The following RP1 variants were observed in gnomAD, a reference collection of about 807,000 sequenced individuals.
The protein encoded by RP1 is oxygen-regulated protein 1.
A neutral mutation model predicts 14.8 loss-of-function variants in RP1; 16 were observed. The ratio of observed to expected loss-of-function variants is 1.08; its 90% confidence interval spans 0.73 to 1.65. RP1 has a LOEUF of 1.65. Among genes scored for constraint, RP1 ranks in the 40% most tolerant of loss-of-function variants. The pLI is 0.00. For synonymous variants in RP1, 876 were observed against 883.6 expected, an observed-to-expected ratio of 0.99 and a Z score of 0.15; for missense variants, 2,631 against 2,535.0, an observed-to-expected ratio of 1.04 and a Z score of -0.81.
chr8:54,625,277 C>T lies in RP1; in HGVS notation c.1395C>T (p.Gly465=), dbSNP rs774808332. 1.9e-6 allele frequency: 3 copies of T among 1,614,126 alleles called. No individual in the cohort carries two copies. The highest frequency in any genetic ancestry group is 1.7e-6 in the Non-Finnish European group (2 of 1,180,014). ...TGAGACAAAAGAAATCTGTGATTGGCAGTGTGACCTTAGTATCTGAAACTG... is the reference window on the plus strand; with the variant it reads ...TGAGACAAAAGAAATCTGTGATTGGTAGTGTGACCTTAGTATCTGAAACTG... ...RRVRQKKSVI[G]SVTLVSETEV... Residue 465 remains glycine (G), a synonymous_variant, in exon 4 of 4, where the codon GGC becomes GGT. Transcript: ENST00000220676.
chr8:54,635,364 T>TA (rs1453698845), downstream of RP1, among the ~76,000 whole-genome samples: 2 of 152,158 alleles, frequency 1.3e-5, no homozygotes, highest in Non-Finnish European at 2.9e-5. Flanking sequence ...GACTACTACT[T>TA]ACGTAAGACT....
intron 24 of RP1, among the ~76,000 whole-genome samples, chr8:54,787,634 AG>A (rs1182146029): frequency 1.3e-5 from 2 of 152,184 alleles, no homozygotes; most frequent in Non-Finnish European, 2.9e-5. Context: ...GCTGGGAAAA[AG>A]TTAGTGCTTA....
At chr8:54,744,738 G>A (rs565647254) in intron 19 of RP1, among the ~76,000 whole-genome samples, 49 of 152,132 alleles carry the variant, frequency 3.2e-4, no homozygotes, top group Middle Eastern at 3.4e-3. Context: ...ATTGCTATAC[G>A]GTACAAAATT....
At chr8:54,781,412 GA>G (rs1456400612) in intron 23 of RP1, among the ~76,000 whole-genome samples, 3 of 151,980 alleles carry the variant, frequency 2.0e-5, no homozygotes, top group African/African-American at 7.2e-5. Context: ...TAAGGCAAAG[GA>G]AAAAATAAGG....
intron 28 of RP1, among the ~76,000 whole-genome samples, chr8:54,868,390 C>A (rs1219181583): frequency 6.6e-6 from 1 of 152,124 alleles, no homozygotes; most frequent in Non-Finnish European, 1.5e-5. Flanking sequence ...GTTTTCCTTG[C>A]CTTTTCTCTC....
chr8:54,582,025 T>C (rs1170434587), intron 1 of RP1, among the ~76,000 whole-genome samples: 3 of 152,242 alleles, frequency 2.0e-5, no homozygotes, highest in East Asian at 3.8e-4. Context: ...CATTTGTCAA[T>C]TTTGGCTTTT....
intron 27 of RP1, among the ~76,000 whole-genome samples, chr8:54,860,692 A>G (rs571613159): frequency 1.9e-4 from 29 of 152,358 alleles, no homozygotes; most frequent in African/African-American, 7.0e-4. Context: ...GCAGGATGCC[A>G]GTCCCTGGGT....
intron 1 of RP1, among the ~76,000 whole-genome samples, chr8:54,602,136 T>C (rs926189183): frequency 5.9e-5 from 9 of 152,204 alleles, no homozygotes; most frequent in African/African-American, 2.2e-4. Flanking sequence ...GCTGCACCCA[T>C]TAACTCTTCA....
chr8:54,614,816 A>G (rs1805677980), upstream of RP1, among the ~76,000 whole-genome samples: 1 of 152,182 alleles, frequency 6.6e-6, no homozygotes, highest in African/African-American at 2.4e-5. Flanking sequence ...TTGATAAGTG[A>G]GTCTAAGGAA....
intron 1 of RP1, among the ~76,000 whole-genome samples, chr8:54,561,498 A>G (rs1056857877): frequency 1.2e-4 from 16 of 132,334 alleles, no homozygotes; most frequent in African/African-American, 4.1e-4. Flanking sequence ...TGTATACACA[A>G]TCAAGACCTG....
chr8:54,835,706 T>G (rs1250367799), intron 24 of RP1, among the ~76,000 whole-genome samples: 1 of 152,194 alleles, frequency 6.6e-6, no homozygotes, highest in African/African-American at 2.4e-5. Context: ...TTGAAAAACT[T>G]GCTGCAGTTC....
intron 15 of RP1, among the ~76,000 whole-genome samples, chr8:54,710,524 G>A (rs1261004509): frequency 6.6e-6 from 1 of 152,228 alleles, no homozygotes; most frequent in Non-Finnish European, 1.5e-5. Context: ...AAGGGCCAGT[G>A]TGACAGCCTT....
intron 1 of RP1, among the ~76,000 whole-genome samples, chr8:54,590,290 CACAGAA>C (rs906575973): frequency 6.6e-6 from 1 of 152,194 alleles, no homozygotes; most frequent in Non-Finnish European, 1.5e-5. Context: ...TGCTCCCCTT[CACAGAA>C]ACATTCCAGC....
At chr8:54,854,200 A>C (rs895586583) in intron 26 of RP1, among the ~76,000 whole-genome samples, 2 of 152,196 alleles carry the variant, frequency 1.3e-5, no homozygotes, top group Non-Finnish European at 2.9e-5. Flanking sequence ...TACACCTAAA[A>C]TAATGTTGAA....
chr8:54,564,121 G>A (rs777055234), intron 1 of RP1, among the ~76,000 whole-genome samples: 2 of 152,114 alleles, frequency 1.3e-5, no homozygotes, highest in Non-Finnish European at 2.9e-5. Context: ...CGGAATTGTC[G>A]GGACTGGTCA....
chr8:54,642,880 G>A (rs151215315), intron 3 of RP1, among the ~76,000 whole-genome samples: 210 of 152,188 alleles, frequency 1.4e-3, no homozygotes, highest in African/African-American at 4.9e-3. Context: ...AACACTAGGT[G>A]TTTTAAAACT....
In RP1 at chr8:54,621,463, C is replaced by A. The variant is rs756961463; in HGVS notation, c.497C>A (p.Thr166Lys). 4 of 1,614,038 alleles carry A rather than the reference C, an allele frequency of 2.5e-6. No individual in the cohort carries two copies. Among genetic ancestry groups the A allele is most frequent in the Middle Eastern group, 1.6e-4 (1 of 6,062 alleles). Reference sequence around the variant, plus strand: ...GTCTTCAGGAATGGCGACCCGAAGACGAGGCGTGCGGTTCTTCTGAGCAGG... The same window carrying A: ...GTCTTCAGGAATGGCGACCCGAAGAAGAGGCGTGCGGTTCTTCTGAGCAGG... ...LVVFRNGDPK[T>K]RRAVLLSRRV... is the part of the protein sequence containing the mutation. Residue 166 changes from threonine (T) to lysine (K), a missense_variant, in exon 2 of 4, where the codon ACG (threonine) becomes AAG (lysine). By Grantham distance (78) the Thr-to-Lys change is moderately conservative (BLOSUM62 -1). Coordinates refer to ENST00000220676, the MANE Select transcript of RP1 (RefSeq NM_006269.2).
chr8:54,674,410 C>G (rs886069633), intron 8 of RP1, among the ~76,000 whole-genome samples: 1 of 151,366 alleles, frequency 6.6e-6, no homozygotes, highest in Admixed American at 6.6e-5. Flanking sequence ...TGTGAGATGA[C>G]TCACATCTTC....
chr8:54,639,553 T>A (rs1806418322), intron 3 of RP1, among the ~76,000 whole-genome samples: 1 of 152,168 alleles, frequency 6.6e-6, no homozygotes, highest in Non-Finnish European at 1.5e-5. Flanking sequence ...ATTCTAGTTG[T>A]TCTGTATTCT....
Sources: gnomAD v4.1 joint callset for allele counts (sites outside exome capture counted in the v4.1 genomes callset) on GRCh38, gnomAD v4.1.1 for gene constraint, MANE v1.5 for transcripts, NCBI Gene and HGNC (gene_info 2026-07-23, HGNC 2026-07-21) for gene names.